DOCK9: variants seen among roughly 807,000 people sequenced by gnomAD.
DOCK9 encodes dedicator of cytokinesis 9.
A neutral mutation model predicts 263.3 loss-of-function variants in DOCK9; 89 were observed. The ratio of observed to expected loss-of-function variants is 0.34; its 90% CI spans 0.28 to 0.40. DOCK9 has a LOEUF of 0.40. Ranked by LOEUF, DOCK9 falls within the 10% of genes least tolerant of loss-of-function variation. DOCK9 has a pLI of 1.00. For missense variants in DOCK9, 2,140 were observed against 2,603.4 expected (o/e 0.82, Z 3.87); for synonymous variants, 976 against 973.1 (o/e 1.00, Z -0.06).
chr13:98,821,576 G>A (rs2092278441), intron 45 of DOCK9, among the ~76,000 whole-genome samples: 1 of 152,184 alleles, frequency 6.6e-6, no homozygotes, highest in African/African-American at 2.4e-5. Flanking sequence ...AGGGATCTCA[G>A]AACTACATGG....
chr13:98,805,931 T>C (rs906971807), intron 48 of DOCK9, among the ~76,000 whole-genome samples: 6 of 152,158 alleles, frequency 3.9e-5, no homozygotes, highest in Non-Finnish European at 5.9e-5. Flanking sequence ...CAGCTAATTA[T>C]ATATTTTTAG....
At chr13:99,081,330 G>A (rs2042114117) in intron 1 of DOCK9, among the ~76,000 whole-genome samples, 1 of 152,144 alleles carries the variant, frequency 6.6e-6, no homozygotes, top group Non-Finnish European at 1.5e-5. Flanking sequence ...GCAGACTCAG[G>A]GACACTACCA....
Position 98,883,901 on chromosome 13 carries a change from T to TA in DOCK9, c.2383-3dup, listed in dbSNP as rs756465245. 2.4e-4 allele frequency: 383 copies of TA among 1,591,442 alleles called. No homozygotes were observed. Among genetic ancestry groups the TA allele is most frequent in the South Asian group, 3.2e-4 (28 of 87,200 alleles). ...CCATTTAATTTCCGGACCATAATGC[T>TA]AAAAAAAATATGGAAGAAACAATAT... On this transcript the variant is annotated splice_region_variant and splice_polypyrimidine_tract_variant and intron_variant, in intron 21 of 52. Transcript: ENST00000682017.
intron 18 of DOCK9, among the ~76,000 whole-genome samples, chr13:98,887,147 T>TA (rs2045875048): frequency 3.3e-5 from 1 of 30,318 alleles, no homozygotes; most frequent in Non-Finnish European, 7.0e-5. Context: ...ATATATATTT[T>TA]TTTTTTTTTT....
rs773946934 is a variant in DOCK9, at chr13:98,855,967, A to T, written c.3762T>A (p.Ser1254=). The T allele has an allele frequency of 1.9e-6, 3 of 1,614,004 alleles. No homozygotes were observed. In the Admixed American group the frequency reaches 5.0e-5, roughly 27 times the overall value. Residue 1254 remains serine, a synonymous_variant, in exon 34 of 53, where the codon TCT becomes TCA. Coordinates refer to ENST00000682017, the MANE Select transcript of DOCK9 (RefSeq NM_001366683.2). ...TGTTACCCGAATCTGTGCTTATGAG[A>T]GATCCTCTCGAATCAGCATTTCTCA... is the stretch of plus-strand genomic sequence containing the variant. The part of the protein sequence containing the change: ...NSVRNADSRG[S]LISTDSGNSL...
chr13:98,867,862 A>G (rs916242434), intron 29 of DOCK9, 66 bp downstream of exon 29: 2 of 1,435,934 alleles, frequency 1.4e-6, no homozygotes, highest in African/African-American at 2.9e-5. Flanking sequence ...AAAAAAGGAA[A>G]AAGATAATTC....
At chr13:98,813,160 G>A (rs938810237) in intron 45 of DOCK9, among the ~76,000 whole-genome samples, 4 of 152,014 alleles carry the variant, frequency 2.6e-5, no homozygotes, top group South Asian at 2.1e-4. Flanking sequence ...CAAGTTCTTC[G>A]GGATTTTCTC....
At chr13:99,063,241 T>C (rs540301480) in intron 1 of DOCK9, among the ~76,000 whole-genome samples, 2 of 152,342 alleles carry the variant, frequency 1.3e-5, no homozygotes, top group South Asian at 4.1e-4. Flanking sequence ...GCCTGGGTCA[T>C]ACTGAAAGAT....
intron 1 of DOCK9, among the ~76,000 whole-genome samples, chr13:98,998,488 C>T (rs956705639): frequency 4.6e-5 from 7 of 152,136 alleles, no homozygotes; most frequent in African/African-American, 1.4e-4. Context: ...CTGAATGATC[C>T]GGGCAGAGTC....
At chr13:99,075,077 T>A (rs986564115) in intron 1 of DOCK9, among the ~76,000 whole-genome samples, 4 of 152,214 alleles carry the variant, frequency 2.6e-5, no homozygotes, top group African/African-American at 9.6e-5. Flanking sequence ...ATGGTCTGTG[T>A]TTGTGTGGGT....
intron 1 of DOCK9, among the ~76,000 whole-genome samples, chr13:98,992,658 A>G (rs898868509): frequency 6.6e-6 from 1 of 152,220 alleles, no homozygotes; most frequent in South Asian, 2.1e-4. Context: ...CTGCCGCCAC[A>G]TAAGATGTGC....
At chr13:98,991,753 T>C (rs900463994) in intron 1 of DOCK9, among the ~76,000 whole-genome samples, 6 of 151,898 alleles carry the variant, frequency 4.0e-5, no homozygotes, top group African/African-American at 1.4e-4. Flanking sequence ...TCCCCAATCC[T>C]GTCTCTTCTT....
intron 19 of DOCK9, 26 bp downstream of exon 19, chr13:98,886,506 G>A (rs565158993): frequency 1.4e-5 from 22 of 1,600,110 alleles, no homozygotes; most frequent in East Asian, 4.5e-5. Context: ...GGTCAAATTC[G>A]GTTTTCCCTT....
chr13:98,927,630 T>A (rs1342288731), intron 3 of DOCK9, among the ~76,000 whole-genome samples: 2 of 79,516 alleles, frequency 2.5e-5, no homozygotes, highest in East Asian at 5.3e-4. Flanking sequence ...TATTTATTTA[T>A]TTTTTTTTAA....
At chr13:98,797,031 T>C (rs2089505092) in intron 52 of DOCK9, 84 bp downstream of exon 52, 1 of 1,427,264 alleles carries the variant, frequency 7.0e-7, no homozygotes, top group South Asian at 1.2e-5. Context: ...TCTGGAAGGA[T>C]ATCAGGCGGC....
intron 1 of DOCK9, among the ~76,000 whole-genome samples, chr13:99,031,610 T>C (rs181664139): frequency 6.6e-6 from 1 of 152,200 alleles, no homozygotes; most frequent in Non-Finnish European, 1.5e-5. Flanking sequence ...GTCTTTTTCA[T>C]CAACTGAAAG....
chr13:98,813,318 C>CATATTAA (rs1256438692), intron 45 of DOCK9, among the ~76,000 whole-genome samples: 4 of 152,188 alleles, frequency 2.6e-5, no homozygotes, highest in African/African-American at 9.6e-5. Flanking sequence ...AGCATTCAGT[C>CATATTAA]TTTCACAATT....
intron 45 of DOCK9, among the ~76,000 whole-genome samples, chr13:98,815,326 CAAGGCAT>C (rs2091746281): frequency 6.6e-6 from 1 of 152,158 alleles, no homozygotes; most frequent in Non-Finnish European, 1.5e-5. Flanking sequence ...TATTGTATAA[CAAGGCAT>C]ACTTCTAATA....
At chr13:98,912,176 A>C (rs1038254632) in intron 9 of DOCK9, among the ~76,000 whole-genome samples, 1 of 152,172 alleles carries the variant, frequency 6.6e-6, no homozygotes, top group Non-Finnish European at 1.5e-5. Context: ...CCGACCTAAA[A>C]AAAACTTCTT....
Sources: allele counts gnomAD v4.1 joint callset (sites outside exome capture counted in the v4.1 genomes callset), GRCh38; gene constraint gnomAD v4.1.1; transcripts MANE v1.5; gene names NCBI Gene and HGNC (gene_info 2026-07-23, HGNC 2026-07-21).